GRM8: variants seen among roughly 807,000 people sequenced by gnomAD.
The protein encoded by GRM8 is glutamate metabotropic receptor 8, also known as metabotropic glutamate receptor 8.
GRM8 carries 47 observed loss-of-function variants against 87.2 expected under a neutral mutation model. The observed-to-expected ratio is 0.54, with a 90% CI of 0.43 to 0.69. GRM8 has a LOEUF of 0.69. Among genes scored for constraint, GRM8 ranks in the 30% least tolerant of loss-of-function variants. The pLI, the probability that GRM8 is intolerant of heterozygous loss-of-function variation, is 0.00. For synonymous variants in GRM8, 396 were observed against 404.5 expected (o/e 0.98, Z 0.25); for missense variants, 1,019 against 1,139.2 (o/e 0.89, Z 1.52).
At chr7:127,068,774 A>G (rs1821388625) in intron 3 of GRM8, among the ~76,000 whole-genome samples, 1 of 152,208 alleles carries the variant, frequency 6.6e-6, no homozygotes. Context: ...GAGGAGGAAT[A>G]TGGGAATAAA....
intron 3 of GRM8, among the ~76,000 whole-genome samples, chr7:126,935,030 AT>A (rs1806160654): frequency 6.6e-6 from 1 of 152,214 alleles, no homozygotes; most frequent in Non-Finnish European, 1.5e-5. Flanking sequence ...ATGCAGAAAA[AT>A]GTCTGTCATG....
chr7:126,698,302 G>T (rs549981047), intron 7 of GRM8, among the ~76,000 whole-genome samples: 12 of 152,144 alleles, frequency 7.9e-5, no homozygotes, highest in African/African-American at 2.6e-4. Context: ...TATTGAGAGG[G>T]TTGTGGAGGA....
At chr7:126,877,773 C>G (rs189800856) in intron 6 of GRM8, among the ~76,000 whole-genome samples, 4 of 152,148 alleles carry the variant, frequency 2.6e-5, no homozygotes, top group Non-Finnish European at 5.9e-5. Flanking sequence ...TGCTCTTCCC[C>G]ATGTTGTTTT....
intron 6 of GRM8, among the ~76,000 whole-genome samples, chr7:126,831,331 C>T (rs1323154669): frequency 6.6e-6 from 1 of 152,226 alleles, no homozygotes; most frequent in African/African-American, 2.4e-5. Context: ...GCAGGCAGGC[C>T]TCCTTGAGCT....
chr7:126,935,692 AGAT>A (rs1806239433), intron 3 of GRM8, among the ~76,000 whole-genome samples: 3 of 152,348 alleles, frequency 2.0e-5, no homozygotes, highest in Admixed American at 1.3e-4. Flanking sequence ...TGTGTGTTAG[AGAT>A]GATAACAGTT....
chr7:126,990,782 A>G (rs1285629064), intron 3 of GRM8, among the ~76,000 whole-genome samples: 1 of 152,244 alleles, frequency 6.6e-6, no homozygotes, highest in Admixed American at 6.5e-5. Context: ...CATTTCAAGT[A>G]CTTGGCATTG....
chr7:126,685,251 G>A lies in GRM8; in HGVS notation c.1358-75753C>T, dbSNP rs532317290. Among the ~76,000 whole-genome samples, 1 of 152,278 alleles carries A rather than the reference G, an allele frequency of 6.6e-6. No individual in the cohort carries two copies. The highest frequency in any genetic ancestry group is 2.4e-5 in the African/African-American group (1 of 41,568). On this transcript the variant is annotated intron_variant, in intron 7 of 10. Coordinates refer to ENST00000339582, the MANE Select transcript of GRM8 (RefSeq NM_000845.3). The surrounding 1 kb of genome is among the most constrained non-coding windows in gnomAD (Gnocchi z 4.2). The stretch of plus-strand genomic sequence containing the variant: ...CTGGGGGCCACCATGATGGGGCCGG[G>A]CCAAGTTGCCTACAGGCAGGGGAAC...
At chr7:126,515,363 T>A (rs1468377587) in intron 9 of GRM8, among the ~76,000 whole-genome samples, 1 of 152,114 alleles carries the variant, frequency 6.6e-6, no homozygotes, top group African/African-American at 2.4e-5. Flanking sequence ...TATAAGATAA[T>A]CTTAAGGGAT....
intron 7 of GRM8, among the ~76,000 whole-genome samples, chr7:126,662,953 T>C (rs1430829156): frequency 1.3e-5 from 2 of 152,224 alleles, no homozygotes; most frequent in Non-Finnish European, 2.9e-5. Flanking sequence ...GACAGGGATA[T>C]TGTAAAATGC....
At chr7:126,838,526 T>C (rs1199655590) in intron 6 of GRM8, among the ~76,000 whole-genome samples, 1 of 152,188 alleles carries the variant, frequency 6.6e-6, no homozygotes, top group Non-Finnish European at 1.5e-5. Flanking sequence ...AAGGGGAAAG[T>C]GTTTTATTTC....
At chr7:126,774,388 T>C (rs1819187125) in intron 6 of GRM8, among the ~76,000 whole-genome samples, 4 of 152,226 alleles carry the variant, frequency 2.6e-5, no homozygotes, top group Admixed American at 2.0e-4. Flanking sequence ...AAAGTTAGTG[T>C]TAACGTATTG....
At chr7:126,598,166 A>AT (rs1158927807) in intron 8 of GRM8, among the ~76,000 whole-genome samples, 3 of 151,560 alleles carry the variant, frequency 2.0e-5, no homozygotes, top group African/African-American at 7.3e-5. Context: ...TTTCTTCTCT[A>AT]TTTCTGTTAT....
intron 3 of GRM8, among the ~76,000 whole-genome samples, chr7:127,058,997 A>G (rs1204456526): frequency 6.6e-6 from 1 of 152,186 alleles, no homozygotes; most frequent in Non-Finnish European, 1.5e-5. Context: ...CAGAAGAAAC[A>G]GTGTCACCTT....
intron 3 of GRM8, among the ~76,000 whole-genome samples, chr7:126,917,023 T>C (rs1803979180): frequency 6.6e-6 from 1 of 152,162 alleles, no homozygotes; most frequent in African/African-American, 2.4e-5. Context: ...AAAGAAAGGA[T>C]AGTGAATAGA....
chr7:127,078,710 T>G (rs1381852784), intron 3 of GRM8, among the ~76,000 whole-genome samples: 1 of 152,232 alleles, frequency 6.6e-6, no homozygotes, highest in African/African-American at 2.4e-5. Flanking sequence ...AGCTTTCAAT[T>G]TGCATTGCAA....
chr7:126,963,876 G>T (rs879269332), intron 3 of GRM8, among the ~76,000 whole-genome samples: 1 of 152,108 alleles, frequency 6.6e-6, no homozygotes, highest in Admixed American at 6.6e-5. Context: ...AAAGCAAAAA[G>T]AACAAAGCTG....
intron 7 of GRM8, among the ~76,000 whole-genome samples, chr7:126,643,060 G>A (rs1431977537): frequency 6.6e-6 from 1 of 151,808 alleles, no homozygotes; most frequent in East Asian, 1.9e-4. Flanking sequence ...GGAGGGTGAG[G>A]AGGGTGGATT....
At chr7:126,888,072 T>C (rs1469190458) in intron 6 of GRM8, among the ~76,000 whole-genome samples, 1 of 152,162 alleles carries the variant, frequency 6.6e-6, no homozygotes, top group Admixed American at 6.5e-5. Context: ...TCTGCTACTT[T>C]GGATCAGCTA....
In GRM8 at chr7:126,847,863, T is replaced by C. The variant is rs78954804; in HGVS notation, c.1156+54679A>G. Reference sequence around the variant, plus strand: ...GAGGAGAAAATGTGGGATAGATATATTGGTGGATCCACTTTGGGAACTAAA... The same window carrying C: ...GAGGAGAAAATGTGGGATAGATATACTGGTGGATCCACTTTGGGAACTAAA... On this transcript the variant is annotated intron_variant, in intron 6 of 10. Coordinates refer to ENST00000339582, the MANE Select transcript of GRM8 (RefSeq NM_000845.3). Among the ~76,000 whole-genome samples, 6 of 152,272 alleles carry C rather than the reference T, an allele frequency of 3.9e-5. No individual in the cohort carries two copies. In the East Asian group the frequency reaches 9.6e-4, roughly 24 times the overall value.
Sources: allele counts gnomAD v4.1 joint callset (sites outside exome capture counted in the v4.1 genomes callset), GRCh38; gene constraint gnomAD v4.1.1; non-coding constraint Gnocchi (gnomAD v3.1); transcripts MANE v1.5; gene names NCBI Gene and HGNC (gene_info 2026-07-23, HGNC 2026-07-21).